EPHA6: variants seen among roughly 807,000 people sequenced by gnomAD.
The protein encoded by EPHA6 is EPH receptor A6, also known as ephrin type-A receptor 6.
Under a neutral mutation model 112.0 loss-of-function variants are expected in EPHA6, and 50 were observed. The observed-to-expected ratio is 0.45, with a 90% CI of 0.36 to 0.56. EPHA6 has a LOEUF of 0.56. EPHA6 is among the 20% of genes least tolerant of loss of function. The pLI, the probability that EPHA6 is intolerant of heterozygous loss-of-function variation, is 0.00. For missense variants in EPHA6, 1,280 were observed against 1,417.4 expected (o/e 0.90, Z 1.56); for synonymous variants, 529 against 490.7 (o/e 1.08, Z -1.03).
At chr3:97,387,899 A>T (rs562829042) in intron 5 of EPHA6, among the ~76,000 whole-genome samples, 1 of 152,290 alleles carries the variant, frequency 6.6e-6, no homozygotes, top group East Asian at 1.9e-4. Flanking sequence ...GCCCTAGGAA[A>T]CTTACAGTCA....
chr3:97,033,390 C>G (rs1270616135), intron 3 of EPHA6, among the ~76,000 whole-genome samples: 1 of 151,918 alleles, frequency 6.6e-6, no homozygotes, highest in African/African-American at 2.4e-5. Flanking sequence ...AGGTGAGAAG[C>G]TGGTCAGTCG....
At chr3:97,591,865 G>A (rs2093547976) in intron 11 of EPHA6, among the ~76,000 whole-genome samples, 1 of 152,042 alleles carries the variant, frequency 6.6e-6, no homozygotes, top group South Asian at 2.1e-4. Context: ...CCCCTCCTTA[G>A]GTCTCAGTTT....
intron 5 of EPHA6, among the ~76,000 whole-genome samples, chr3:97,284,062 T>C (rs899782858): frequency 1.3e-5 from 2 of 152,130 alleles, no homozygotes; most frequent in African/African-American, 4.8e-5. Context: ...TTTGCTTAAC[T>C]CAATGCACAG....
At chr3:97,027,791 A>C (rs1417174061) in intron 3 of EPHA6, among the ~76,000 whole-genome samples, 1 of 152,220 alleles carries the variant, frequency 6.6e-6, no homozygotes, top group Non-Finnish European at 1.5e-5. Flanking sequence ...TTTTATTAAC[A>C]TCCCTTTGTG....
intron 3 of EPHA6, among the ~76,000 whole-genome samples, chr3:97,084,125 G>GATAT (rs747964175): frequency 3.2e-5 from 3 of 92,492 alleles, no homozygotes; most frequent in African/African-American, 4.6e-5. Flanking sequence ...TATATATATG[G>GATAT]ATATATATCC....
chr3:97,639,865 C>T (rs557439783), intron 14 of EPHA6, among the ~76,000 whole-genome samples: 11 of 152,202 alleles, frequency 7.2e-5, no homozygotes, highest in African/African-American at 2.6e-4. Context: ...TAAAAACTGC[C>T]TTTGAAAAGC....
rs186905650 is a variant in EPHA6, at chr3:97,318,099, T to C, written c.1606+73812T>C. Among the ~76,000 whole-genome samples the C allele has an allele frequency of 2.0e-5, 3 of 152,064 alleles. No individual in the cohort carries two copies. The East Asian group carries it at 5.8e-4, about 29-fold the overall frequency. ...GGAGCTCAGGTCTGTTTGGGAGAAATACATAAATCTATAGAGGGATCACAG... is the reference window on the plus strand; with the variant it reads ...GGAGCTCAGGTCTGTTTGGGAGAAACACATAAATCTATAGAGGGATCACAG... On this transcript the variant is annotated intron_variant, in intron 5 of 17. Coordinates refer to ENST00000389672, the MANE Select transcript of EPHA6 (RefSeq NM_001080448.3).
chr3:97,107,223 A>G (rs1304450998), intron 3 of EPHA6, among the ~76,000 whole-genome samples: 3 of 152,150 alleles, frequency 2.0e-5, no homozygotes, highest in African/African-American at 4.8e-5. Flanking sequence ...TTCATTGAGC[A>G]GTATTTTATA....
At chr3:97,036,966 G>C (rs773052617) in intron 3 of EPHA6, among the ~76,000 whole-genome samples, 1 of 151,816 alleles carries the variant, frequency 6.6e-6, no homozygotes, top group Admixed American at 6.6e-5. Flanking sequence ...AGAATTCCAT[G>C]GCCATTGATG....
chr3:97,687,269 C>G (rs763141336), intron 14 of EPHA6, among the ~76,000 whole-genome samples: 16 of 152,054 alleles, frequency 1.1e-4, no homozygotes, highest in Non-Finnish European at 1.9e-4. Context: ...ACAAAGATAA[C>G]ATTTGTGCTA....
intron 9 of EPHA6, among the ~76,000 whole-genome samples, chr3:97,480,538 A>C (rs4371526): frequency 0.19 from 28,001 of 151,184 alleles, 3,774 homozygotes; most frequent in African/African-American, 0.38. Flanking sequence ...TCAGAGAGCA[A>C]GGGGTTGGGG....
intron 2 of EPHA6, among the ~76,000 whole-genome samples, chr3:96,872,175 A>T (rs1400302690): frequency 6.6e-6 from 1 of 152,146 alleles, no homozygotes; most frequent in African/African-American, 2.4e-5. Context: ...GGTCATGTTA[A>T]GTACCCAAAC....
At chr3:97,748,484 C>A in intron 17 of EPHA6, 103 bp from the exon 18 acceptor site, 1 of 674,632 alleles carries the variant, frequency 1.5e-6, no homozygotes, top group Non-Finnish European at 2.7e-6. Flanking sequence ...CTTTATCTTG[C>A]ATGCTTATTA....
Position 97,622,947 on chromosome 3 carries a change from GTTGCTTGATTT to G in EPHA6, c.2574+12096_2574+12106del, listed in dbSNP as rs544458719. 2.5e-3 allele frequency among the ~76,000 whole-genome samples: 335 copies of G among 134,384 alleles called. 2 individuals are homozygous for G. The highest frequency in any genetic ancestry group is 0.011 in the African/African-American group (325 of 29,606). The allele number at this position is 134,384 out of a possible 152,430, so 88.2% of individuals were successfully genotyped here. On this transcript the variant is annotated intron_variant, in intron 13 of 17. Transcript: ENST00000389672. The stretch of plus-strand genomic sequence containing the variant: ...AGTCCATTTTCCATTTTTGAATCAG[GTTGCTTGATTT>G]TTTTTTGTTGAATTTTAGGAGTTCT...
intron 2 of EPHA6, among the ~76,000 whole-genome samples, chr3:96,917,987 T>C (rs1226752812): frequency 6.6e-6 from 1 of 152,082 alleles, no homozygotes; most frequent in Non-Finnish European, 1.5e-5. Flanking sequence ...AAGAGAAAGT[T>C]GAAAACCAGC....
chr3:96,829,168 A>C (rs1559754395), intron 1 of EPHA6, among the ~76,000 whole-genome samples: 1 of 152,158 alleles, frequency 6.6e-6, no homozygotes, highest in Non-Finnish European at 1.5e-5. Context: ...GTTTATCAAG[A>C]ACTTTTGCTT....
intron 2 of EPHA6, among the ~76,000 whole-genome samples, chr3:96,985,392 G>C (rs1363360079): frequency 6.6e-6 from 1 of 152,010 alleles, no homozygotes; most frequent in Admixed American, 6.5e-5. Flanking sequence ...CATTGATTTT[G>C]ACAGTTTAAA....
Position 97,114,268 on chromosome 3 carries a change from C to G in EPHA6, c.1115-111996C>G, listed in dbSNP as rs190315901. On this transcript the variant is annotated intron_variant, in intron 3 of 17. Transcript: ENST00000389672. ...AAGTTTTGTTTACATAAAAATACAACTGAACATTTTTATAGAAATTTAGTA... is the reference window on the plus strand; with the variant it reads ...AAGTTTTGTTTACATAAAAATACAAGTGAACATTTTTATAGAAATTTAGTA... 2.1e-3 allele frequency among the ~76,000 whole-genome samples: 327 copies of G among 152,150 alleles called. 2 individuals are homozygous for G. In the Middle Eastern group the frequency reaches 0.031, roughly 14 times the overall value.
chr3:96,854,767 A>G (rs2035595879), intron 1 of EPHA6, among the ~76,000 whole-genome samples: 2 of 152,186 alleles, frequency 1.3e-5, no homozygotes, highest in African/African-American at 4.8e-5. Context: ...ATTGAATTCA[A>G]TGAAAGGAAC....
Sources: allele counts gnomAD v4.1 joint callset (sites outside exome capture counted in the v4.1 genomes callset), GRCh38; gene constraint gnomAD v4.1.1; transcripts MANE v1.5; gene names NCBI Gene and HGNC (gene_info 2026-07-23, HGNC 2026-07-21).